Variants in NIBAN3 observed in about 807,000 individuals in gnomAD.
The protein encoded by NIBAN3 is protein Niban 3.
NIBAN3 carries 66 observed loss-of-function variants against 76.4 expected under a neutral mutation model. That is an observed-to-expected ratio of 0.86 (90% CI 0.71 to 1.06). NIBAN3 has a LOEUF of 1.06. Among genes scored for constraint, NIBAN3 ranks in the 50% least tolerant of loss-of-function variants. NIBAN3 has a pLI of 0.00. For synonymous variants in NIBAN3, 360 were observed against 355.2 expected (o/e 1.01, Z -0.15); for missense variants, 808 against 810.7 (o/e 1.00, Z 0.04).
chr19:17,532,130 G>A, intron 2 of NIBAN3, 133 bp from the exon 3 acceptor site: 5 of 1,213,608 alleles, frequency 4.1e-6, no homozygotes, highest in Non-Finnish European at 5.6e-6. Flanking sequence ...TTCCTGCCTA[G>A]GACTCTCTCT....
At chr19:17,528,080 T>TTTG (rs1555754495) in intron 1 of NIBAN3, among the ~76,000 whole-genome samples, 1 of 151,816 alleles carries the variant, frequency 6.6e-6, no homozygotes, top group Admixed American at 6.6e-5. Context: ...ATGGTTTTTT[T>TTTG]TTTGTTTGTT....
chr19:17,528,074 T>G (rs1260625013), intron 1 of NIBAN3, among the ~76,000 whole-genome samples: 4 of 128,204 alleles, frequency 3.1e-5, no homozygotes, highest in Non-Finnish European at 5.2e-5. Flanking sequence ...CCCTTTATGG[T>G]TTTTTTTTTG....
chr19:17,537,628 A>G, intron 5 of NIBAN3, 85 bp downstream of exon 5: 1 of 1,309,960 alleles, frequency 7.6e-7, no homozygotes, highest in Non-Finnish European at 1.0e-6. Flanking sequence ...GGACCTCTCC[A>G]GGCCTCACTT....
chr19:17,539,806 C>T, intron 8 of NIBAN3, 41 bp downstream of exon 8: 2 of 1,430,004 alleles, frequency 1.4e-6, no homozygotes, highest in Non-Finnish European at 1.9e-6. Flanking sequence ...AGGGGCGAGG[C>T]GATGCTGGGG....
chr19:17,524,024 T>C (rs1258560585), upstream of NIBAN3, among the ~76,000 whole-genome samples: 6 of 151,388 alleles, frequency 4.0e-5, no homozygotes, highest in Non-Finnish European at 8.8e-5. Context: ...AAGTAGTTGG[T>C]TCTACAGGCA....
rs548342600 is a variant in NIBAN3 at position 17,547,185 on chromosome 19, T to A, written c.1666+388T>A. Among the ~76,000 whole-genome samples, 5 of 151,306 alleles carry A rather than the reference T, an allele frequency of 3.3e-5. No homozygotes were observed. In the East Asian group the frequency reaches 1.0e-3, roughly 31 times the overall value. ...CTGTCCAACATGGTGAAACCCCGTC[T>A]CTACTAAAAATACAAAAAATTAGCC... On this transcript the variant is annotated intron_variant, in intron 13 of 14. Coordinates refer to ENST00000599164, the MANE Select transcript of NIBAN3 (RefSeq NM_001321827.2).
Position 17,542,457 on chromosome 19 carries a change from T to G in NIBAN3, c.1329+163T>G, listed in dbSNP as rs1319541143. Among the ~76,000 whole-genome samples the G allele has an allele frequency of 6.6e-6, 1 of 152,122 alleles. No individual in the cohort carries two copies. Among genetic ancestry groups the G allele is most frequent in the Non-Finnish European group, 1.5e-5 (1 of 68,022 alleles). On this transcript the variant is annotated intron_variant, in intron 10 of 14. Transcript: ENST00000599164. This position sits in a 1 kb window ranked among gnomAD's most constrained non-coding sequence, Gnocchi z 4.8. ...GTGACCAGGCAGCAGCCACATGTGG[T>G]GGACAGAGCTGGGGCAGGGTGTACA...
intron 12 of NIBAN3, chr19:17,545,922 A>C: frequency 2.3e-6 from 1 of 434,124 alleles, no homozygotes; most frequent in South Asian, 1.6e-5. Flanking sequence ...CCCCGGAGAA[A>C]AGGAGACTCC....
intron 4 of NIBAN3, among the ~76,000 whole-genome samples, chr19:17,534,719 A>G (rs1365480586): frequency 2.0e-5 from 3 of 148,446 alleles, no homozygotes; most frequent in Non-Finnish European, 4.4e-5. Flanking sequence ...TGAACCCGGG[A>G]GGCAGAGCTT....
chr19:17,549,594 A>T, intron 14 of NIBAN3, 67 bp downstream of exon 14: 3 of 1,164,910 alleles, frequency 2.6e-6, no homozygotes, highest in Non-Finnish European at 3.9e-6. Flanking sequence ...GGAGGCCCAC[A>T]TGGGGTGTAT....
chr19:17,532,536 T>C, intron 3 of NIBAN3, 148 bp downstream of exon 3: 2 of 1,323,296 alleles, frequency 1.5e-6, no homozygotes, highest in Non-Finnish European at 2.1e-6. Context: ...GTTTGGCCTG[T>C]TGTAGGCAAC....
downstream of NIBAN3, among the ~76,000 whole-genome samples, chr19:17,554,797 A>AATAAT (rs1555767022): frequency 5.1e-5 from 7 of 138,138 alleles, no homozygotes; most frequent in East Asian, 1.2e-3. Context: ...AAAAAAAAGA[A>AATAAT]AATAATAATA....
chr19:17,545,892 G>C (rs932600191), intron 12 of NIBAN3: 22 of 407,726 alleles, frequency 5.4e-5, no homozygotes, highest in South Asian at 3.8e-4. Context: ...AGGTGGAGGA[G>C]CAGAGTCTTC....
Position 17,540,601 on chromosome 19 carries a change from G to C in NIBAN3, c.1170+19G>C. On this transcript the variant is annotated intron_variant, in intron 9 of 14. Transcript: ENST00000599164. ...CAGGGAGGTGAGCTCCCGTGGGTAG[G>C]GGTTCAGTGAGCCAGAGGGTGATGT... 1 of 1,451,748 alleles carries C rather than the reference G, an allele frequency of 6.9e-7. No individual in the cohort carries two copies. The highest frequency in any genetic ancestry group is 9.1e-7 in the Non-Finnish European group (1 of 1,097,838). 89.9% of individuals were successfully genotyped at this position (1,451,748 alleles called of 1,614,324 possible). A position where few individuals can be genotyped will look rare whatever the true frequency, so the allele number is the denominator to read the frequency against.
intron 12 of NIBAN3, chr19:17,546,089 C>T (rs776046694): frequency 3.3e-5 from 9 of 270,266 alleles, no homozygotes; most frequent in Non-Finnish European, 6.1e-5. Flanking sequence ...ACAGAAGGCT[C>T]GCACTCTTGT....
At chr19:17,530,240 G>C (rs1599709173) in intron 1 of NIBAN3, among the ~76,000 whole-genome samples, 2 of 152,046 alleles carry the variant, frequency 1.3e-5, no homozygotes, top group Non-Finnish European at 1.5e-5. Context: ...AGAATCACCT[G>C]AGCCCAGGAA....
At position 17,550,590 on chromosome 19, in the gene NIBAN3, C is replaced by T. The variant is rs114009991; in HGVS notation, c.1750+1063C>T. Among the ~76,000 whole-genome samples the T allele has an allele frequency of 6.8e-3, 1,030 of 152,166 alleles. 7 individuals are homozygous for T. Among genetic ancestry groups the T allele is most frequent in the Middle Eastern group, 0.027 (8 of 294 alleles). ...GCCCAGGTGGGAGGTTTACTTGAGC[C>T]GTGGAGATGGGGTGGCATTGAACTA... On this transcript the variant is annotated intron_variant, in intron 14 of 14. Transcript: ENST00000599164.
At chr19:17,526,331 A>G (rs1259365997), upstream of NIBAN3, among the ~76,000 whole-genome samples, 1 of 151,778 alleles carries the variant, frequency 6.6e-6, no homozygotes, top group Non-Finnish European at 1.5e-5. Context: ...AAAAAAGGAC[A>G]CCTTTAAGAG....
chr19:17,555,050 G>A (rs949972369), downstream of NIBAN3, among the ~76,000 whole-genome samples: 1 of 152,170 alleles, frequency 6.6e-6, no homozygotes, highest in Non-Finnish European at 1.5e-5. Flanking sequence ...CTCTGGAAGA[G>A]CTTGTGCCCA....
Sources: gnomAD v4.1 joint callset for allele counts (sites outside exome capture counted in the v4.1 genomes callset) on GRCh38, gnomAD v4.1.1 for gene constraint, Gnocchi (gnomAD v3.1) non-coding constraint, MANE v1.5 for transcripts, NCBI Gene and HGNC (gene_info 2026-07-23, HGNC 2026-07-21) for gene names.